The following TLK1 variants were observed in gnomAD, a reference collection of about 807,000 sequenced individuals.
TLK1 encodes the protein serine/threonine-protein kinase tousled-like 1.
TLK1 carries 24 observed loss-of-function variants against 105.3 expected under a neutral mutation model. That is an observed-to-expected ratio of 0.23 (90% CI 0.17 to 0.32). The LOEUF (loss-of-function observed/expected upper bound fraction) is 0.32. TLK1 is among the 10% of genes least tolerant of loss of function. The pLI is 1.00. For missense variants in TLK1, 558 were observed against 910.5 expected (o/e 0.61, Z 4.98); for synonymous variants, 321 against 310.4 (o/e 1.03, Z -0.36).
At chr2:171,037,860 C>A (rs1260051582) in intron 11 of TLK1, among the ~76,000 whole-genome samples, 1 of 152,074 alleles carries the variant, frequency 6.6e-6, no homozygotes, top group East Asian at 1.9e-4. Context: ...AAGATTATGT[C>A]GGCCTCAGAA....
chr2:171,129,779 G>A (rs999428745), intron 1 of TLK1, among the ~76,000 whole-genome samples: 2 of 152,032 alleles, frequency 1.3e-5, no homozygotes, highest in Non-Finnish European at 2.9e-5. Context: ...GTGGTAGTAA[G>A]CTGTGAAATG....
At chr2:171,155,708 AAACT>A (rs1692206135) in intron 1 of TLK1, 1 of 152,152 alleles carries the variant, frequency 6.6e-6, no homozygotes, top group Admixed American at 6.5e-5. Context: ...TAAATTCTCA[AAACT>A]AACTACTTCT....
intron 1 of TLK1, among the ~76,000 whole-genome samples, chr2:171,192,050 A>T (rs1378960641): frequency 3.9e-5 from 6 of 152,124 alleles, no homozygotes; most frequent in Admixed American, 3.9e-4. Flanking sequence ...TATTTTGGAG[A>T]AAGAGTCTCA....
Position 171,006,344 on chromosome 2 carries a change from T to A in TLK1, c.1769-62A>T. Reference sequence around the variant, plus strand: ...ACATGAAAAACATAACTTTAATAACTTTTAATTTTACTAGTATTTTACTGA... The same window carrying A: ...ACATGAAAAACATAACTTTAATAACATTTAATTTTACTAGTATTTTACTGA... On this transcript the variant is annotated intron_variant, in intron 17 of 20. Coordinates refer to ENST00000431350, the MANE Select transcript of TLK1 (RefSeq NM_012290.5). 3.3e-6 allele frequency: 5 copies of A among 1,492,940 alleles called. No individual in the cohort carries two copies. The South Asian group carries it at 7.0e-5, about 21-fold the overall frequency. The allele number at this position is 1,492,940 out of a possible 1,614,324, so 92.5% of individuals were successfully genotyped here.
intron 2 of TLK1, among the ~76,000 whole-genome samples, 162 bp downstream of exon 2, chr2:171,117,577 G>C (rs1185606398): frequency 6.6e-6 from 1 of 151,994 alleles, no homozygotes; most frequent in Non-Finnish European, 1.5e-5. Context: ...CCTGAAATAT[G>C]GTATACTACA....
chr2:171,131,942 T>C (rs1020922946), intron 1 of TLK1, among the ~76,000 whole-genome samples: 1 of 152,134 alleles, frequency 6.6e-6, no homozygotes, highest in Non-Finnish European at 1.5e-5. Context: ...ATCCTGAAAG[T>C]TCATCACATG....
intron 1 of TLK1, among the ~76,000 whole-genome samples, chr2:171,171,697 C>CA (rs147682978): frequency 0.035 from 5,180 of 149,570 alleles, 114 homozygotes; most frequent in African/African-American, 0.063. Flanking sequence ...TAACCAAATG[C>CA]AAAAAAAAAT....
chr2:171,123,119 A>G (rs1558954643), intron 1 of TLK1, among the ~76,000 whole-genome samples: 1 of 152,002 alleles, frequency 6.6e-6, no homozygotes, highest in Non-Finnish European at 1.5e-5. Context: ...GCTAATGAAA[A>G]GAATGAAATT....
chr2:171,078,820 T>C (rs1373533905), intron 3 of TLK1, among the ~76,000 whole-genome samples: 1 of 152,244 alleles, frequency 6.6e-6, no homozygotes, highest in Non-Finnish European at 1.5e-5. Context: ...AAGGCTGTAT[T>C]CCTTAATTAA....
chr2:171,188,705 CAAAAAAA>C (rs998138338), intron 1 of TLK1, among the ~76,000 whole-genome samples: 1 of 44,676 alleles, frequency 2.2e-5, no homozygotes, highest in African/African-American at 7.9e-5. Context: ...GACTCTGTCT[CAAAAAAA>C]AAAAAAAAAA....
intron 14 of TLK1, 132 bp from the exon 15 acceptor site, chr2:171,007,195 C>A: frequency 1.6e-6 from 1 of 639,806 alleles, no homozygotes; most frequent in East Asian, 2.8e-5. Flanking sequence ...ATGATCTTCT[C>A]TGCTAAGACT....
chr2:171,072,531 G>A lies in TLK1; in HGVS notation c.330+10250C>T, dbSNP rs993935777. The stretch of plus-strand genomic sequence containing the variant: ...CTAGCACTTTGGGAGGCCAAGGTTG[G>A]TGGATCACCTGAGGTCAAGAGTTTG... On this transcript the variant is annotated intron_variant, in intron 3 of 20. Transcript: ENST00000431350. Among the ~76,000 whole-genome samples, 35 of 152,164 alleles carry A rather than the reference G, an allele frequency of 2.3e-4. 2 individuals are homozygous for A. Among genetic ancestry groups the A allele is most frequent in the Admixed American group, 2.3e-3 (35 of 15,278 alleles).
At chr2:171,046,882 A>C (rs895774181) in intron 10 of TLK1, among the ~76,000 whole-genome samples, 4 of 152,212 alleles carry the variant, frequency 2.6e-5, no homozygotes, top group Non-Finnish European at 5.9e-5. Context: ...TTTGCAAACA[A>C]ATTTACAAAA....
chr2:171,184,650 AAAAAAAAAAG>A (rs1692990311), intron 1 of TLK1, among the ~76,000 whole-genome samples: 1 of 150,134 alleles, frequency 6.7e-6, no homozygotes, highest in African/African-American at 2.4e-5. Context: ...CTCAAAAAAA[AAAAAAAAAAG>A]AAAGAAAACT....
intron 2 of TLK1, among the ~76,000 whole-genome samples, chr2:171,108,062 AAAAAAC>A (rs367810861): frequency 4.2e-4 from 52 of 122,764 alleles, no homozygotes; most frequent in East Asian, 3.9e-4. Context: ...TCTCTCAAAA[AAAAAAC>A]AACAACAACA....
In TLK1 at chr2:171,012,977, G is replaced by A. The variant is rs1005826495; in HGVS notation, c.1335-1523C>T. 2.6e-5 allele frequency among the ~76,000 whole-genome samples: 4 copies of A among 151,380 alleles called. No homozygotes were observed. In the South Asian group the frequency reaches 8.4e-4, roughly 32 times the overall value. ...TGAAATGTAATTTTCGGAACAGTTA[G>A]TCTTAAATTAGTTTTGTACCATATG... On this transcript the variant is annotated intron_variant, in intron 13 of 20. Coordinates refer to ENST00000431350, the MANE Select transcript of TLK1 (RefSeq NM_012290.5).
intron 1 of TLK1, among the ~76,000 whole-genome samples, chr2:171,144,390 G>A (rs1176043077): frequency 6.6e-6 from 1 of 151,992 alleles, no homozygotes; most frequent in African/African-American, 2.4e-5. Context: ...AGCACACATG[G>A]AACATTCTCC....
At chr2:171,065,039 T>C (rs2105451684) in intron 3 of TLK1, among the ~76,000 whole-genome samples, 1 of 152,254 alleles carries the variant, frequency 6.6e-6, no homozygotes, top group South Asian at 2.1e-4. Flanking sequence ...TAATAAAATA[T>C]AAAGGAGTCT....
In TLK1 at chr2:171,145,620, G is replaced by A. The variant is rs935545157; in HGVS notation, c.139+14670C>T. ...AAAAAAAACAAAAAACAAATATAATGTATGAAGAGACAGGTATAAACATGT... is the reference window on the plus strand; with the variant it reads ...AAAAAAAACAAAAAACAAATATAATATATGAAGAGACAGGTATAAACATGT... On this transcript the variant is annotated intron_variant, in intron 1 of 20. Transcript: ENST00000431350. Among the ~76,000 whole-genome samples, 7 of 151,318 alleles carry A rather than the reference G, an allele frequency of 4.6e-5. No individual in the cohort carries two copies. The South Asian group carries it at 1.5e-3, about 32-fold the overall frequency.
Sources: gnomAD v4.1 joint callset for allele counts (sites outside exome capture counted in the v4.1 genomes callset) on GRCh38, gnomAD v4.1.1 for gene constraint, MANE v1.5 for transcripts, NCBI Gene and HGNC (gene_info 2026-07-23, HGNC 2026-07-21) for gene names.